Variants in NAALADL2 observed in about 807,000 individuals in gnomAD.
NAALADL2 encodes N-acetylated alpha-linked acidic dipeptidase like 2, also known as inactive N-acetylated-alpha-linked acidic dipeptidase-like protein 2.
Under a neutral mutation model 87.2 loss-of-function variants are expected in NAALADL2, and 76 were observed. The observed-to-expected ratio is 0.87, with a 90% CI of 0.72 to 1.05. The LOEUF is 1.05. NAALADL2 is among the 50% of genes least tolerant of loss of function. The pLI, the probability that NAALADL2 is intolerant of heterozygous loss-of-function variation, is 0.00. For missense variants in NAALADL2, 1,089 were observed against 945.8 expected, an observed-to-expected ratio of 1.15 and a Z score of -1.99; for synonymous variants, 354 against 331.0, an observed-to-expected ratio of 1.07 and a Z score of -0.75.
chr3:174,594,866 T>C (rs1402878344), intron 2 of NAALADL2, among the ~76,000 whole-genome samples: 1 of 152,262 alleles, frequency 6.6e-6, no homozygotes, highest in East Asian at 1.9e-4. Flanking sequence ...TATCAACAGC[T>C]ATGCGTTGAT....
chr3:175,260,769 A>G (rs1366117417), intron 4 of NAALADL2, among the ~76,000 whole-genome samples: 4 of 152,178 alleles, frequency 2.6e-5, no homozygotes, highest in Non-Finnish European at 5.9e-5. Context: ...GAATCTCTAC[A>G]TCCGAGCTAG....
At chr3:174,561,667 G>A (rs1326035666) in intron 2 of NAALADL2, among the ~76,000 whole-genome samples, 1 of 152,126 alleles carries the variant, frequency 6.6e-6, no homozygotes, top group African/African-American at 2.4e-5. Context: ...GGAAGGAAGT[G>A]CAGAGATGGG....
chr3:174,784,735 G>A (rs181136513), intron 3 of NAALADL2, among the ~76,000 whole-genome samples: 2 of 152,142 alleles, frequency 1.3e-5, no homozygotes, highest in African/African-American at 4.8e-5. Context: ...AATTCTTTAT[G>A]CCCAAGCAGA....
chr3:174,616,793 A>G (rs1720503861), intron 2 of NAALADL2, among the ~76,000 whole-genome samples: 1 of 151,876 alleles, frequency 6.6e-6, no homozygotes, highest in South Asian at 2.1e-4. Flanking sequence ...ATGTAATATA[A>G]CAGTTAGATG....
chr3:174,979,556 C>T (rs1026855810), intron 1 of NAALADL2, among the ~76,000 whole-genome samples: 4 of 151,946 alleles, frequency 2.6e-5, no homozygotes, highest in African/African-American at 7.2e-5. Flanking sequence ...CCGCCCGCCT[C>T]GGCCTCCCAA....
At chr3:175,451,051 G>A (rs974155572) in intron 6 of NAALADL2, among the ~76,000 whole-genome samples, 10 of 151,992 alleles carry the variant, frequency 6.6e-5, no homozygotes, top group Non-Finnish European at 1.5e-4. Flanking sequence ...GACGGAGAAA[G>A]AGAGAGAGAA....
chr3:174,913,263 C>T (rs1244571226), intron 1 of NAALADL2, among the ~76,000 whole-genome samples: 1 of 152,122 alleles, frequency 6.6e-6, no homozygotes, highest in Non-Finnish European at 1.5e-5. Flanking sequence ...TTAATGAAAA[C>T]ATGTCTCAGC....
chr3:174,685,086 A>T (rs1258908332), intron 2 of NAALADL2, among the ~76,000 whole-genome samples: 1 of 152,080 alleles, frequency 6.6e-6, no homozygotes, highest in African/African-American at 2.4e-5. Flanking sequence ...CGGTTTTAAA[A>T]AACTGCTATT....
At chr3:174,565,703 G>T (rs1166324741) in intron 2 of NAALADL2, among the ~76,000 whole-genome samples, 1 of 151,998 alleles carries the variant, frequency 6.6e-6, no homozygotes, top group East Asian at 1.9e-4. Context: ...GATTGGGATT[G>T]CTGGATTTGT....
At chr3:174,671,058 T>C (rs1726484707) in intron 2 of NAALADL2, among the ~76,000 whole-genome samples, 1 of 152,086 alleles carries the variant, frequency 6.6e-6, no homozygotes, top group African/African-American at 2.4e-5. Flanking sequence ...GCCATGATTG[T>C]AACTTCTGAG....
At chr3:175,756,310 G>C (rs1294348108) in intron 13 of NAALADL2, among the ~76,000 whole-genome samples, 4 of 151,954 alleles carry the variant, frequency 2.6e-5, no homozygotes, top group Non-Finnish European at 5.9e-5. Context: ...AACCCAAAAG[G>C]CTAATCTCTT....
Position 174,683,850 on chromosome 3 carries a change from G to T in NAALADL2, c.-114-53791G>T, listed in dbSNP as rs868653075. On this transcript the variant is annotated intron_variant, in intron 2 of 3. Coordinates refer to the NAALADL2 transcript ENST00000434257. ...TGCATGCAATTTAAAGTGAAAATGA[G>T]AATCTATTTTTTCAGAGCTACAGAG... Among the ~76,000 whole-genome samples the T allele has an allele frequency of 2.0e-5, 3 of 152,038 alleles. No individual in the cohort carries two copies. The South Asian group carries it at 6.2e-4, about 32-fold the overall frequency.
At chr3:175,528,146 G>A (rs980228650) in intron 9 of NAALADL2, among the ~76,000 whole-genome samples, 1 of 152,040 alleles carries the variant, frequency 6.6e-6, no homozygotes, top group South Asian at 2.1e-4. Context: ...GTTCTCTAAA[G>A]GGACAGAACT....
intron 3 of NAALADL2, among the ~76,000 whole-genome samples, chr3:174,838,819 T>A (rs11923985): frequency 6.6e-6 from 1 of 152,030 alleles, no homozygotes; most frequent in African/African-American, 2.4e-5. Flanking sequence ...CAAAGGATAC[T>A]ACAAAACACT....
rs2108855286 is a variant in NAALADL2, at chr3:174,691,870, T to G, written c.-114-45771T>G. The G allele has an allele frequency of 2.0e-5, 3 of 152,328 alleles. No individual in the cohort carries two copies. In the South Asian group the frequency reaches 6.2e-4, roughly 32 times the overall value. 9.4% of individuals were successfully genotyped at this position (152,328 alleles called of 1,614,324 possible). ...TCTTTGCTCATTCATAAGATGCAGCTCCTCATCAGTTCAAGTTTGATTATT... is the reference window on the plus strand; with the variant it reads ...TCTTTGCTCATTCATAAGATGCAGCGCCTCATCAGTTCAAGTTTGATTATT... On this transcript the variant is annotated intron_variant, in intron 2 of 3. Transcript: ENST00000434257.
intron 5 of NAALADL2, among the ~76,000 whole-genome samples, chr3:175,418,202 G>A (rs930365225): frequency 6.6e-6 from 1 of 152,148 alleles, no homozygotes; most frequent in Non-Finnish European, 1.5e-5. Flanking sequence ...AAAGGATTTC[G>A]TAAAGATTAC....
chr3:175,236,446 G>A (rs1745881151), intron 3 of NAALADL2, among the ~76,000 whole-genome samples: 1 of 151,750 alleles, frequency 6.6e-6, no homozygotes, highest in East Asian at 1.9e-4. Context: ...CTACTCCTGA[G>A]GCTGAGGCAG....
chr3:175,665,978 T>C (rs1057154668), intron 11 of NAALADL2, among the ~76,000 whole-genome samples: 14 of 152,026 alleles, frequency 9.2e-5, no homozygotes, highest in Admixed American at 7.9e-4. Flanking sequence ...CAAAATTTTG[T>C]TTTCCAGAAT....
intron 3 of NAALADL2, among the ~76,000 whole-genome samples, chr3:174,844,835 G>GTTTTTTTTTTTTTTTTTT (rs781333758): frequency 2.8e-5 from 1 of 35,446 alleles, no homozygotes; most frequent in Admixed American, 3.2e-4. Flanking sequence ...AGTTCTAATG[G>GTTTTTTTTTTTTTTTTTT]TTTTTTTTTT....
Sources: allele counts gnomAD v4.1 joint callset (sites outside exome capture counted in the v4.1 genomes callset), GRCh38; gene constraint gnomAD v4.1.1; transcripts MANE v1.5; gene names NCBI Gene and HGNC (gene_info 2026-07-23, HGNC 2026-07-21).